Variants in HERC1 observed in about 807,000 individuals in gnomAD.
HERC1 encodes HECT and RLD domain containing E3 ubiquitin protein ligase family member 1.
HERC1 carries 160 observed loss-of-function variants against 554.3 expected under a neutral mutation model. The ratio of observed to expected loss-of-function variants is 0.29; its 90% confidence interval spans 0.25 to 0.33. The LOEUF is 0.33. Among genes scored for constraint, HERC1 ranks in the 10% least tolerant of loss-of-function variants. HERC1 has a pLI of 1.00. For synonymous variants in HERC1, 2,175 were observed against 2,131.7 expected (o/e 1.02, Z -0.56); for missense variants, 4,919 against 5,918.5 (o/e 0.83, Z 5.54).
intron 14 of HERC1, among the ~76,000 whole-genome samples, chr15:63,730,814 G>C (rs1199881574): frequency 6.6e-6 from 1 of 152,202 alleles, no homozygotes; most frequent in African/African-American, 2.4e-5. Flanking sequence ...TTCTTTGAAT[G>C]ATTCCTATAA....
chr15:63,645,009 G>T lies in HERC1; in HGVS notation c.11167C>A (p.Gln3723Lys). 6.2e-7 allele frequency: 1 copy of T among 1,612,010 alleles called. No homozygotes were observed. Among genetic ancestry groups the T allele is most frequent in the South Asian group, 1.1e-5 (1 of 91,044 alleles). The change falls in exon 57 of 78, where the codon CAG (glutamine) becomes AAG (lysine). Residue 3723 changes from glutamine to lysine, a missense_variant. This residue lies in a region of HERC1 where 1,963 missense variants were observed against 2,228.6 expected (regional missense o/e 0.88). Coordinates refer to ENST00000443617, the MANE Select transcript of HERC1 (RefSeq NM_003922.4). ...AATGTTACCTGGCAATTTGATTCCTGCTCCCACCATCCTTCTGCACTAGTC... is the reference window on the plus strand; with the variant it reads ...AATGTTACCTGGCAATTTGATTCCTTCTCCCACCATCCTTCTGCACTAGTC... ...NVTSAEGWWE[Q>K]ESNCQDGYRK...
intron 12 of HERC1, among the ~76,000 whole-genome samples, chr15:63,737,876 G>A (rs2074617344): frequency 6.6e-6 from 1 of 152,002 alleles, no homozygotes; most frequent in South Asian, 2.1e-4. Context: ...AGACAATGAA[G>A]CAATGACTTC....
intron 37 of HERC1, among the ~76,000 whole-genome samples, chr15:63,675,949 G>C (rs766118385): frequency 6.8e-6 from 1 of 147,502 alleles, no homozygotes; most frequent in Non-Finnish European, 1.5e-5. Flanking sequence ...TGTCACCCAG[G>C]CTGCAGTGCA....
At chr15:63,672,382 C>A in intron 39 of HERC1, 114 bp downstream of exon 39, 1 of 696,550 alleles carries the variant, frequency 1.4e-6, no homozygotes, top group South Asian at 2.8e-5. Flanking sequence ...CTCTTAGTTT[C>A]TTTCTAGCTC....
Position 63,641,590 on chromosome 15 carries a change from C to T in HERC1, c.11487G>A (p.Leu3829=), listed in dbSNP as rs1392914854. ...GTTTCAATGCTGTCCTACAGGTTGC[C>T]AAAACATGATTGGCAGCTGCCCATT... ...TAEWAAANHV[L]ATCRTALKQQ... is the part of the protein sequence containing the mutation. Residue 3829 remains leucine (L), a synonymous_variant, in exon 60 of 78, where the codon TTG becomes TTA. Transcript: ENST00000443617. The T allele has an allele frequency of 2.5e-6, 4 of 1,596,726 alleles. No homozygotes were observed. The highest frequency in any genetic ancestry group is 1.7e-5 in the Admixed American group (1 of 57,238).
intron 2 of HERC1, among the ~76,000 whole-genome samples, chr15:63,772,488 T>C (rs138821975): frequency 6.7e-4 from 102 of 151,148 alleles, no homozygotes; most frequent in African/African-American, 2.3e-3. Context: ...TGACCATAAA[T>C]ACATTATTTT....
chr15:63,753,595 T>A (rs1013870815), intron 7 of HERC1, among the ~76,000 whole-genome samples: 3 of 152,042 alleles, frequency 2.0e-5, no homozygotes, highest in South Asian at 2.1e-4. Context: ...TAAAAAAAAG[T>A]ATAAATTAAA....
Position 63,694,006 on chromosome 15 carries a change from T to C in HERC1, c.5632A>G (p.Lys1878Glu). 1 of 1,563,564 alleles carries C rather than the reference T, an allele frequency of 6.4e-7. No homozygotes were observed. The highest frequency in any genetic ancestry group is 8.7e-7 in the Non-Finnish European group (1 of 1,152,792). ...TCAGTTTCTCCACTGGAGTCAACTT[T>C]TTTTTCTTCTTCTTCACCGTCTTCT... ...EQEDGEEEEK[K>E]VDSSGETEKK... The change falls in exon 30 of 78, where the codon AAA (lysine) becomes GAA (glutamate). Residue 1878 changes from lysine (K) to glutamate (E), a missense_variant. Lys to Glu is a moderately conservative substitution (Grantham distance 56). Transcript: ENST00000443617. This position sits in a 1 kb window ranked among gnomAD's most constrained non-coding sequence, Gnocchi z 4.3.
Position 63,764,118 on chromosome 15 carries a change from G to A in HERC1, c.1004C>T (p.Ala335Val). The A allele has an allele frequency of 1.2e-6, 2 of 1,609,098 alleles. No homozygotes were observed. Among genetic ancestry groups the A allele is most frequent in the South Asian group, 1.1e-5 (1 of 89,958 alleles). The stretch of plus-strand genomic sequence containing the variant: ...TACCTCTTCAAAGAGACATAATGCT[G>A]CCTCGTAAAGGGAGCACAAGCCATC... The part of the protein sequence containing the change: ...TSDGLCSLYE[A>V]ALCLFEEVCR... Residue 335 changes from alanine to valine, a missense_variant, in exon 3 of 78, where the codon GCA becomes GTA. Coordinates refer to ENST00000443617, the MANE Select transcript of HERC1 (RefSeq NM_003922.4).
intron 15 of HERC1, 53 bp downstream of exon 15, chr15:63,729,444 T>G: frequency 4.4e-6 from 7 of 1,596,784 alleles, no homozygotes; most frequent in Non-Finnish European, 5.1e-6. Context: ...TATCCAAATA[T>G]CTGAGTTTCA....
At chr15:63,799,639 T>C (rs955943886) in intron 1 of HERC1, among the ~76,000 whole-genome samples, 1 of 152,140 alleles carries the variant, frequency 6.6e-6, no homozygotes, top group Non-Finnish European at 1.5e-5. Flanking sequence ...ATTAAGGGAC[T>C]AGGCTTTGAA....
Position 63,615,721 on chromosome 15 carries a change from G to T in HERC1, c.14094+47C>A, listed in dbSNP as rs541476504. The T allele has an allele frequency of 8.0e-6, 12 of 1,507,964 alleles. No homozygotes were observed. The South Asian group carries it at 1.6e-4, about 21-fold the overall frequency. 93.4% of individuals were successfully genotyped at this position (1,507,964 alleles called of 1,614,324 possible). On this transcript the variant is annotated intron_variant, in intron 76 of 77. Transcript: ENST00000443617. The stretch of plus-strand genomic sequence containing the variant: ...CATACCCAGTCAGCTCTCATTTGGA[G>T]AGAAACCCAAGCATTCATGTGTACC...
In HERC1 at chr15:63,693,044, G is replaced by A. The variant is rs553244007; in HGVS notation, c.5675-478C>T. 4.2e-4 allele frequency among the ~76,000 whole-genome samples: 64 copies of A among 152,064 alleles called. No individual in the cohort carries two copies. The South Asian group carries it at 0.012, about 30-fold the overall frequency. On this transcript the variant is annotated intron_variant, in intron 30 of 77. Coordinates refer to ENST00000443617, the MANE Select transcript of HERC1 (RefSeq NM_003922.4). ...AAAAACACAAAAATTAGATGGGTGT[G>A]GTGGCACACGCTTGCAACCCCAGCC...
Position 63,686,425 on chromosome 15 carries a change from G to A in HERC1, c.6159C>T (p.His2053=), listed in dbSNP as rs115606097. The change falls in exon 34 of 78, where the codon CAC becomes CAT. Residue 2053 remains histidine (H), a synonymous_variant. Transcript: ENST00000443617. ...ATCCATATCCTTTCCCTCCACTGCC[G>A]TGAGTTAAAATCTGTCCATTCTCCA... is the stretch of plus-strand genomic sequence containing the variant. ...CLVENGQILT[H]GSGGKGYGLA... The A allele has an allele frequency of 3.0e-4, 486 of 1,613,676 alleles. 1 individual carries two copies. The African/African-American group carries it at 5.6e-3, about 19-fold the overall frequency.
At chr15:63,675,902 T>A (rs944675392) in intron 37 of HERC1, among the ~76,000 whole-genome samples, 5 of 146,436 alleles carry the variant, frequency 3.4e-5, no homozygotes, top group Middle Eastern at 3.4e-3. Context: ...ACTGTATACA[T>A]CTTTTTTTTT....
At chr15:63,696,073 G>A in intron 27 of HERC1, 51 bp downstream of exon 27, 2 of 1,320,562 alleles carry the variant, frequency 1.5e-6, no homozygotes, top group Admixed American at 1.9e-5. Context: ...TATTAAAGTG[G>A]CTTTGTAAAA....
At position 63,665,936 on chromosome 15, in the gene HERC1, C is replaced by T. The variant is rs770931076; in HGVS notation, c.8538G>A (p.Glu2846=). 2 of 1,612,600 alleles carry T rather than the reference C, an allele frequency of 1.2e-6. No individual in the cohort carries two copies. The highest frequency in any genetic ancestry group is 1.7e-6 in the Non-Finnish European group (2 of 1,178,960). The change falls in exon 42 of 78, where the codon GAG becomes GAA. Residue 2846 remains glutamate (E), a synonymous_variant. Transcript: ENST00000443617. Reference sequence around the variant, plus strand: ...AATTTCACCTTTCACTAAAACCTTCCTCCATTTCAGCAGCATCAGCTGATG... The same window carrying T: ...AATTTCACCTTTCACTAAAACCTTCTTCCATTTCAGCAGCATCAGCTGATG... ...DIPSADAAEM[E]EGFSESPDNL...
intron 26 of HERC1, among the ~76,000 whole-genome samples, chr15:63,696,802 T>G (rs2072440973): frequency 6.6e-6 from 1 of 152,152 alleles, no homozygotes; most frequent in Non-Finnish European, 1.5e-5. Context: ...TTATATAGAA[T>G]GAATACTCTT....
chr15:63,689,370 A>C (rs1433539555), intron 33 of HERC1, among the ~76,000 whole-genome samples: 4 of 152,206 alleles, frequency 2.6e-5, no homozygotes, highest in Admixed American at 1.3e-4. Context: ...GAAGACAGAG[A>C]AGACTTCACA....
Sources: allele counts gnomAD v4.1 joint callset (sites outside exome capture counted in the v4.1 genomes callset), GRCh38; gene constraint gnomAD v4.1.1; regional missense constraint gnomAD v4.1.1; non-coding constraint Gnocchi (gnomAD v3.1); transcripts MANE v1.5; gene names NCBI Gene and HGNC (gene_info 2026-07-23, HGNC 2026-07-21).